Variants in SUPT3H observed in about 807,000 individuals in gnomAD.
The protein encoded by SUPT3H is transcription initiation protein SPT3 homolog.
SUPT3H carries 44 observed loss-of-function variants against 44.3 expected under a neutral mutation model. That is an observed-to-expected ratio of 0.99 (90% CI 0.78 to 1.28). The LOEUF (loss-of-function observed/expected upper bound fraction) is 1.28, where lower values mean the gene tolerates loss of function less well. Among genes scored for constraint, SUPT3H ranks in the 50% most tolerant of loss-of-function variants. The pLI is 0.00. For synonymous variants in SUPT3H, 124 were observed against 125.6 expected (o/e 0.99, Z 0.09); for missense variants, 380 against 387.1 (o/e 0.98, Z 0.15).
chr6:45,110,689 A>G (rs184449421), intron 2 of SUPT3H, among the ~76,000 whole-genome samples: 3 of 152,180 alleles, frequency 2.0e-5, no homozygotes, highest in Admixed American at 2.0e-4. Flanking sequence ...ATATAGCAAT[A>G]CTCTTTTAAT....
At chr6:45,256,988 C>T (rs1773518523) in intron 2 of SUPT3H, among the ~76,000 whole-genome samples, 1 of 152,154 alleles carries the variant, frequency 6.6e-6, no homozygotes. Flanking sequence ...CGTAATTCGA[C>T]GTTTAATGGT....
chr6:45,365,823 A>T (rs1056199267), intron 1 of SUPT3H, among the ~76,000 whole-genome samples: 37 of 151,914 alleles, frequency 2.4e-4, no homozygotes, highest in African/African-American at 8.5e-4. Flanking sequence ...CATAATCTAA[A>T]TCCTATTTGA....
intron 3 of SUPT3H, among the ~76,000 whole-genome samples, chr6:45,073,078 ATCTCT>A (rs1794596760): frequency 6.6e-6 from 1 of 152,136 alleles, no homozygotes; most frequent in Non-Finnish European, 1.5e-5. Context: ...TCTATTTCTC[ATCTCT>A]TATCTATACT....
At chr6:44,898,621 G>T (rs191215533) in intron 10 of SUPT3H, 6 of 152,348 alleles carry the variant, frequency 3.9e-5, no homozygotes, top group Admixed American at 3.9e-4. Flanking sequence ...TGCTATAATA[G>T]ATACAATAGA....
intron 3 of SUPT3H, among the ~76,000 whole-genome samples, chr6:45,102,662 C>G (rs774741976): frequency 7.9e-5 from 12 of 152,092 alleles, no homozygotes; most frequent in Non-Finnish European, 1.3e-4. Context: ...AAGATGTTGA[C>G]CGGGTGTGGT....
rs377729015 is a variant in SUPT3H at position 44,903,854 on chromosome 6, C to G, written c.912+28799G>C. Among the ~76,000 whole-genome samples, 24 of 152,302 alleles carry G rather than the reference C, an allele frequency of 1.6e-4. No homozygotes were observed. The South Asian group carries it at 4.8e-3, about 30-fold the overall frequency. ...CACCATGATCAAGTGGGCTTCATCC[C>G]TGGGATGCAAGGCTGGTTCAACATA... On this transcript the variant is annotated intron_variant, in intron 10 of 10. Transcript: ENST00000371459.
chr6:45,276,024 A>G (rs945911433), intron 2 of SUPT3H, among the ~76,000 whole-genome samples: 1 of 152,090 alleles, frequency 6.6e-6, no homozygotes, highest in Non-Finnish European at 1.5e-5. Flanking sequence ...AAGAAAATAC[A>G]TACCTGTCAG....
At chr6:45,356,793 A>G (rs1279760810) in intron 2 of SUPT3H, among the ~76,000 whole-genome samples, 2 of 152,164 alleles carry the variant, frequency 1.3e-5, no homozygotes, top group African/African-American at 4.8e-5. Context: ...AAACTTAACT[A>G]TCATGGGACT....
At chr6:44,824,186 A>G (rs1767572093), downstream of SUPT3H, among the ~76,000 whole-genome samples, 1 of 152,192 alleles carries the variant, frequency 6.6e-6, no homozygotes. Context: ...CCGTTTCCTT[A>G]CAGGCCAAAC....
chr6:44,954,098 T>A (rs1774741513), intron 8 of SUPT3H, among the ~76,000 whole-genome samples: 1 of 152,138 alleles, frequency 6.6e-6, no homozygotes, highest in African/African-American at 2.4e-5. Flanking sequence ...AAAGACCACA[T>A]CTTGAGAAAG....
At chr6:45,074,908 TTAATAAACA>T (rs1365769737) in intron 3 of SUPT3H, among the ~76,000 whole-genome samples, 1 of 152,092 alleles carries the variant, frequency 6.6e-6, no homozygotes, top group Non-Finnish European at 1.5e-5. Flanking sequence ...GTACAATAAT[TTAATAAACA>T]TACATATACT....
At chr6:45,312,224 A>G (rs1784063897) in intron 2 of SUPT3H, among the ~76,000 whole-genome samples, 1 of 152,118 alleles carries the variant, frequency 6.6e-6, no homozygotes, top group Non-Finnish European at 1.5e-5. Context: ...AAAAAAGACA[A>G]AAGGCCGGGC....
chr6:44,911,990 C>T (rs1582448393), intron 10 of SUPT3H, among the ~76,000 whole-genome samples: 1 of 152,188 alleles, frequency 6.6e-6, no homozygotes, highest in Admixed American at 6.5e-5. Flanking sequence ...AAATCTTCCC[C>T]TTGCTCTTAC....
rs551072035 is a variant in SUPT3H at position 45,360,403 on chromosome 6, G to A, written c.101+4798C>T. Among the ~76,000 whole-genome samples the A allele has an allele frequency of 4.6e-5, 7 of 152,172 alleles. No individual in the cohort carries two copies. In the South Asian group the frequency reaches 8.3e-4, roughly 18 times the overall value. ...GCACCCTTGGAATTACAGTATGTTC[G>A]TACTTTTTACCTTCAGGGTTTTTCT... is the stretch of plus-strand genomic sequence containing the variant. On this transcript the variant is annotated intron_variant, in intron 2 of 10. Coordinates refer to ENST00000371459, the MANE Select transcript of SUPT3H (RefSeq NM_003599.4).
chr6:44,936,858 G>C (rs1393166698), intron 9 of SUPT3H, among the ~76,000 whole-genome samples: 1 of 151,938 alleles, frequency 6.6e-6, no homozygotes, highest in Non-Finnish European at 1.5e-5. Context: ...GTAGAGACAG[G>C]GTTTTGCCAC....
chr6:44,928,243 G>A (rs1026685438), intron 10 of SUPT3H, among the ~76,000 whole-genome samples: 2 of 152,060 alleles, frequency 1.3e-5, no homozygotes, highest in Admixed American at 1.3e-4. Flanking sequence ...ATATAAGATG[G>A]CAAGCATCAA....
chr6:45,017,680 G>A (rs1353202937), intron 4 of SUPT3H, among the ~76,000 whole-genome samples: 1 of 147,488 alleles, frequency 6.8e-6, no homozygotes, highest in Non-Finnish European at 1.5e-5. Flanking sequence ...ATTTCTGAGG[G>A]CTCTGTTCTG....
chr6:45,057,144 C>T (rs189138815), intron 3 of SUPT3H, among the ~76,000 whole-genome samples: 3 of 152,060 alleles, frequency 2.0e-5, no homozygotes, highest in Admixed American at 2.0e-4. Context: ...TAGAAGTTCA[C>T]CCTAAAAATA....
chr6:45,016,328 T>A (rs1049305025), intron 4 of SUPT3H, among the ~76,000 whole-genome samples: 16 of 150,916 alleles, frequency 1.1e-4, no homozygotes, highest in African/African-American at 3.9e-4. Flanking sequence ...TTTTTTAAAT[T>A]TTTTTTTATT....
Sources: allele counts gnomAD v4.1 joint callset (sites outside exome capture counted in the v4.1 genomes callset), GRCh38; gene constraint gnomAD v4.1.1; transcripts MANE v1.5; gene names NCBI Gene and HGNC (gene_info 2026-07-23, HGNC 2026-07-21).